The following PPWD1 variants were observed in gnomAD, a reference collection of about 807,000 sequenced individuals.
The protein encoded by PPWD1 is peptidylprolyl isomerase domain and WD repeat-containing protein 1.
PPWD1 carries 43 observed loss-of-function variants against 68.8 expected under a neutral mutation model. The ratio of observed to expected loss-of-function variants is 0.62; its 90% CI spans 0.49 to 0.81. The LOEUF is 0.81. PPWD1 is among the 30% of genes least tolerant of loss of function. The pLI is 0.00. For missense variants in PPWD1, 672 were observed against 804.8 expected, an observed-to-expected ratio of 0.83 and a Z score of 2.00; for synonymous variants, 232 against 258.7, an observed-to-expected ratio of 0.90 and a Z score of 0.99.
intron 4 of PPWD1, 81 bp downstream of exon 4, chr5:65,570,079 C>T: frequency 7.4e-7 from 1 of 1,343,496 alleles, no homozygotes; most frequent in Non-Finnish European, 1.0e-6. Context: ...TAGGTTATTT[C>T]TAAATAGTAT....
rs779215174 is a variant in PPWD1, at chr5:65,576,991, T to C, written c.1082T>C (p.Ile361Thr). 4.3e-6 allele frequency: 7 copies of C among 1,614,082 alleles called. No homozygotes were observed. The highest frequency in any genetic ancestry group is 4.5e-5 in the East Asian group (2 of 44,882). ...EKVDAVRLIN[I>T]VFDETGHFVL... is the part of the protein sequence containing the mutation. ...GTTGATGCTGTAAGATTAATTAATA[T>C]AGTTTTTGATGAAACTGGACACTTC... Residue 361 changes from isoleucine to threonine, a missense_variant, in exon 6 of 11, where the codon ATA (isoleucine) becomes ACA (threonine). Transcript: ENST00000261308.
At chr5:65,573,513 A>T (rs1753121680) in intron 5 of PPWD1, among the ~76,000 whole-genome samples, 3 of 19,004 alleles carry the variant, frequency 1.6e-4, no homozygotes, top group South Asian at 2.3e-3. Context: ...TTTAGTACAG[A>T]TGGTTTTTTT....
intron 6 of PPWD1, 65 bp downstream of exon 6, chr5:65,577,134 G>C: frequency 6.5e-7 from 1 of 1,531,782 alleles, no homozygotes; most frequent in Non-Finnish European, 8.8e-7. Context: ...CCTCCATCAT[G>C]GGAACAGTGG....
In PPWD1 at chr5:65,583,110, A is replaced by G. The variant is rs948783687; in HGVS notation, c.1423A>G (p.Lys475Glu). 2.5e-6 allele frequency: 4 copies of G among 1,613,418 alleles called. No homozygotes were observed. The highest frequency in any genetic ancestry group is 2.5e-6 in the Non-Finnish European group (3 of 1,179,818). Residue 475 changes from lysine (K) to glutamate (E), a missense_variant, in exon 8 of 11, where the codon AAA (lysine) becomes GAA (glutamate). Around this residue, in one of 2 missense-constraint regions of PPWD1, gnomAD observed 484 missense variants for 646.2 expected, o/e 0.75. Transcript: ENST00000261308. Reference sequence around the variant, plus strand: ...AGATGTTTTTAATGAGAAACCTTCTAAAGAAGAAGTCATGGCAGCTACTCA... The same window carrying G: ...AGATGTTTTTAATGAGAAACCTTCTGAAGAAGAAGTCATGGCAGCTACTCA... ...DRDVFNEKPS[K>E]EEVMAATQAE... is the part of the protein sequence containing the mutation.
intron 2 of PPWD1, chr5:65,568,066 G>T: frequency 1.1e-5 from 1 of 93,950 alleles, no homozygotes; most frequent in East Asian, 2.4e-4. Flanking sequence ...AAATCCAATA[G>T]TTTTTGAGTG....
chr5:65,585,274 A>G (rs1316343553), intron 9 of PPWD1, among the ~76,000 whole-genome samples, 179 bp downstream of exon 9: 1 of 152,230 alleles, frequency 6.6e-6, no homozygotes, highest in Non-Finnish European at 1.5e-5. Context: ...TCTAGAATCA[A>G]CAGGAATAGT....
intron 1 of PPWD1, chr5:65,563,785 C>A: frequency 6.7e-7 from 1 of 1,493,672 alleles, no homozygotes; most frequent in Non-Finnish European, 9.0e-7. Flanking sequence ...TTTGGCTCCT[C>A]TCATTTACTC....
intron 10 of PPWD1, among the ~76,000 whole-genome samples, chr5:65,586,601 G>A (rs1753860837): frequency 6.6e-6 from 1 of 152,090 alleles, no homozygotes; most frequent in African/African-American, 2.4e-5. Flanking sequence ...ATGAAATACA[G>A]TATAAGGTAA....
intron 10 of PPWD1, 120 bp from the exon 11 acceptor site, chr5:65,587,133 C>T: frequency 1.8e-6 from 2 of 1,101,820 alleles, no homozygotes; most frequent in Non-Finnish European, 2.4e-6. Flanking sequence ...TATTGTACTT[C>T]TTTTTAAATA....
At chr5:65,572,833 T>C (rs1431055217) in intron 5 of PPWD1, among the ~76,000 whole-genome samples, 1 of 152,202 alleles carries the variant, frequency 6.6e-6, no homozygotes, top group African/African-American at 2.4e-5. Flanking sequence ...CAATTTCTTT[T>C]CAGCACAGCT....
Position 65,585,924 on chromosome 5 carries a change from T to G in PPWD1, c.1615-75T>G, listed in dbSNP as rs1581167868. The G allele has an allele frequency of 2.6e-6, 4 of 1,551,110 alleles. No individual in the cohort carries two copies. In the South Asian group the frequency reaches 3.8e-5, roughly 15 times the overall value. On this transcript the variant is annotated intron_variant, in intron 9 of 10. Transcript: ENST00000261308. ...ATATTACACTGAATACAAAGCACTC[T>G]TGGCAGAAATAAAACTTCAAAGCGT...
chr5:65,585,068 TG>T lies in PPWD1; in HGVS notation c.1590del (p.His531IlefsTer6), dbSNP rs1442592856. The T allele has an allele frequency of 6.2e-7, 1 of 1,611,876 alleles. No homozygotes were observed. The highest frequency in any genetic ancestry group is 8.5e-7 in the Non-Finnish European group (1 of 1,178,284). On this transcript the variant is annotated frameshift_variant, in exon 9 of 11. Transcript: ENST00000261308. LOFTEE classifies it high-confidence loss of function. ...TTCACAGCAGAAATGGTTATTATAA[TG>T]GGCATACATTTCACCGTATAATTAA... ...CVHSRNGYYN[G>X]HTFHRIIKGF...
intron 2 of PPWD1, 55 bp downstream of exon 2, chr5:65,567,670 AG>A: frequency 2.0e-6 from 3 of 1,480,230 alleles, no homozygotes; most frequent in East Asian, 4.7e-5. Flanking sequence ...AAAAAAAAAA[AG>A]CTTCAATTTT....
intron 1 of PPWD1, chr5:65,563,721 A>ATC: frequency 2.1e-6 from 3 of 1,415,656 alleles, no homozygotes; most frequent in Non-Finnish European, 2.9e-6. Flanking sequence ...AACACTTTTG[A>ATC]TCATTGATTT....
chr5:65,587,241 C>A lies in PPWD1; in HGVS notation c.1798-12C>A. On this transcript the variant is annotated splice_polypyrimidine_tract_variant and intron_variant, in intron 10 of 10. Transcript: ENST00000261308. ...GGGTTTACCAAGATTTTCCATTTGT[C>A]CTCCAACACAGCCTTGGCTTGATAA... 1.3e-6 allele frequency: 2 copies of A among 1,588,482 alleles called. No homozygotes were observed. The highest frequency in any genetic ancestry group is 2.3e-5 in the East Asian group (1 of 44,174).
intron 6 of PPWD1, among the ~76,000 whole-genome samples, chr5:65,578,875 G>A (rs186092918): frequency 1.0e-4 from 15 of 150,544 alleles, no homozygotes; most frequent in Admixed American, 8.0e-4. Flanking sequence ...TTTATGAGCC[G>A]TTCTCCTAGT....
Position 65,586,091 on chromosome 5 carries a change from A to G in PPWD1, c.1707A>G (p.Thr569=). Residue 569 remains threonine (T), a synonymous_variant, in exon 10 of 11, where the codon ACA becomes ACG. Coordinates refer to ENST00000261308, the MANE Select transcript of PPWD1 (RefSeq NM_015342.4). ...AATTTGAAGATGAATTTCATTCAAC[A>G]TTACGACATGACAGGCCATACACAC... ...GGEFEDEFHS[T]LRHDRPYTLS... is the part of the protein sequence containing the mutation. The G allele has an allele frequency of 6.2e-7, 1 of 1,613,686 alleles. No homozygotes were observed.
chr5:65,586,189 C>T lies in PPWD1; in HGVS notation c.1797+8C>T, dbSNP rs779479320. On this transcript the variant is annotated splice_region_variant and intron_variant, in intron 10 of 10. Transcript: ENST00000261308. ...ATAACGGTAGTACCAACGGTAAGTA[C>T]AGTATCATTGTTTATAAACTACAGA... is the stretch of plus-strand genomic sequence containing the variant. The T allele has an allele frequency of 1.2e-6, 2 of 1,607,046 alleles. No homozygotes were observed. The highest frequency in any genetic ancestry group is 1.7e-6 in the Non-Finnish European group (2 of 1,175,998).
chr5:65,576,566 C>T (rs1003351912), intron 5 of PPWD1, among the ~76,000 whole-genome samples: 12 of 151,810 alleles, frequency 7.9e-5, no homozygotes, highest in African/African-American at 1.9e-4. Flanking sequence ...TTAGTGGAGA[C>T]GGGGTTTCAC....
Sources: allele counts gnomAD v4.1 joint callset (sites outside exome capture counted in the v4.1 genomes callset), GRCh38; gene constraint gnomAD v4.1.1; regional missense constraint gnomAD v4.1.1; transcripts MANE v1.5; gene names NCBI Gene and HGNC (gene_info 2026-07-23, HGNC 2026-07-21).